Variants in CNTNAP4 observed in about 807,000 individuals in gnomAD.
CNTNAP4 encodes contactin-associated protein-like 4.
A neutral mutation model predicts 148.4 loss-of-function variants in CNTNAP4; 98 were observed. That is an observed-to-expected ratio of 0.66 (90% confidence interval 0.56 to 0.78). The LOEUF is 0.78. CNTNAP4 is among the 30% of genes least tolerant of loss of function. The probability of loss-of-function intolerance (pLI) is 0.00; values close to 1 mark genes in which losing one functional copy is unlikely to be tolerated. For synonymous variants in CNTNAP4, 730 were observed against 565.1 expected (o/e 1.29, Z -4.14); for missense variants, 1,935 against 1,565.6 (o/e 1.24, Z -3.98).
In CNTNAP4 at chr16:76,460,773, A is replaced by AAAAAAT; in HGVS notation, c.1334-1182_1334-1181insAAAATA. Among the ~76,000 whole-genome samples the AAAAAAT allele has an allele frequency of 2.4e-4, 14 of 57,322 alleles. 1 individual carries two copies. Among genetic ancestry groups the AAAAAAT allele is most frequent in the African/African-American group, 9.0e-4 (14 of 15,554 alleles). The allele number at this position is 57,322 out of a possible 152,430, so 37.6% of individuals were successfully genotyped here. On this transcript the variant is annotated intron_variant, in intron 8 of 23. Coordinates refer to ENST00000611870, the MANE Select transcript of CNTNAP4 (RefSeq NM_033401.5). ...TGTCTCAAAAAAAAAAAAAAAAAAAAATATATATATATATATATATATTTA... is the reference window on the plus strand; with the variant it reads ...TGTCTCAAAAAAAAAAAAAAAAAAAAAAAAATATATATATATATATATATATATTTA...
chr16:76,312,533 C>G (rs1000556337), intron 1 of CNTNAP4, among the ~76,000 whole-genome samples: 4 of 152,150 alleles, frequency 2.6e-5, no homozygotes, highest in African/African-American at 7.2e-5. Context: ...GTTTGAGGTT[C>G]TCTTCCTCTC....
chr16:76,470,085 C>A (rs983995849), intron 10 of CNTNAP4, among the ~76,000 whole-genome samples: 2 of 152,070 alleles, frequency 1.3e-5, no homozygotes, highest in Non-Finnish European at 2.9e-5. Flanking sequence ...CTCTTAGAAC[C>A]TGTTCTTCAT....
intron 1 of CNTNAP4, 38 bp downstream of exon 1, chr16:76,277,785 G>A (rs761902877): frequency 2.4e-6 from 3 of 1,270,060 alleles, no homozygotes; most frequent in Middle Eastern, 1.8e-4. Flanking sequence ...TTGCTGGGGG[G>A]CTCTCTGCAA....
intron 21 of CNTNAP4, among the ~76,000 whole-genome samples, chr16:76,547,395 G>GA (rs1234282179): frequency 6.6e-6 from 1 of 152,020 alleles, no homozygotes; most frequent in African/African-American, 2.4e-5. Context: ...AAAAATGACT[G>GA]AAAAAAATCA....
intron 3 of CNTNAP4, among the ~76,000 whole-genome samples, chr16:76,364,704 C>G (rs2013889124): frequency 6.6e-6 from 1 of 152,092 alleles, no homozygotes; most frequent in Admixed American, 6.6e-5. Context: ...TCCTTAGGAC[C>G]TAGACAAAAC....
chr16:76,340,225 AGGAAG>A (rs1415776386), intron 2 of CNTNAP4, among the ~76,000 whole-genome samples: 1 of 152,152 alleles, frequency 6.6e-6, no homozygotes, highest in Admixed American at 6.6e-5. Context: ...AAAGATCTCT[AGGAAG>A]GGAAGGCCAT....
At chr16:76,444,225 A>G (rs2080153990) in intron 4 of CNTNAP4, among the ~76,000 whole-genome samples, 1 of 152,164 alleles carries the variant, frequency 6.6e-6, no homozygotes, top group African/African-American at 2.4e-5. Flanking sequence ...TACCAGACAG[A>G]AGCAATTTGC....
intron 12 of CNTNAP4, 137 bp downstream of exon 12, chr16:76,479,675 C>T (rs940987827): frequency 1.2e-6 from 1 of 828,728 alleles, no homozygotes; most frequent in Non-Finnish European, 1.8e-6. Context: ...AAAAACTGAA[C>T]ATAAATCTTA....
chr16:76,517,155 A>G (rs1000271803), intron 15 of CNTNAP4, among the ~76,000 whole-genome samples: 6 of 152,208 alleles, frequency 3.9e-5, no homozygotes, highest in Admixed American at 1.3e-4. Context: ...TCTTGAAATG[A>G]CAAAATTATA....
chr16:76,493,868 G>A (rs1439516466), intron 13 of CNTNAP4, among the ~76,000 whole-genome samples: 1 of 152,096 alleles, frequency 6.6e-6, no homozygotes, highest in Non-Finnish European at 1.5e-5. Context: ...ATTAGCATGG[G>A]GCTATCTAAT....
At chr16:76,504,834 T>A (rs1356141011) in intron 15 of CNTNAP4, among the ~76,000 whole-genome samples, 1 of 152,078 alleles carries the variant, frequency 6.6e-6, no homozygotes, top group Non-Finnish European at 1.5e-5. Flanking sequence ...AAAATATGGA[T>A]TTAAATAAAC....
At position 76,355,524 on chromosome 16, in the gene CNTNAP4, A is replaced by G. The variant is rs2012482742; in HGVS notation, c.390+13A>G. On this transcript the variant is annotated intron_variant, in intron 3 of 23. Coordinates refer to ENST00000611870, the MANE Select transcript of CNTNAP4 (RefSeq NM_033401.5). Reference sequence around the variant, plus strand: ...GGACAGCATCTGGGTATGTTCTTTAACAAAAGACATAGTCTCTCGGGGAAA... The same window carrying G: ...GGACAGCATCTGGGTATGTTCTTTAGCAAAAGACATAGTCTCTCGGGGAAA... 4 of 1,574,076 alleles carry G rather than the reference A, an allele frequency of 2.5e-6. No homozygotes were observed. Among genetic ancestry groups the G allele is most frequent in the Non-Finnish European group, 3.4e-6 (4 of 1,159,470 alleles).
chr16:76,479,642 T>C, intron 12 of CNTNAP4, 104 bp downstream of exon 12: 1 of 1,134,002 alleles, frequency 8.8e-7, no homozygotes, highest in South Asian at 1.5e-5. Context: ...TGCAACTTGA[T>C]TAAAATATGT....
chr16:76,429,043 A>G (rs949447772), intron 4 of CNTNAP4, among the ~76,000 whole-genome samples: 6 of 152,180 alleles, frequency 3.9e-5, no homozygotes, highest in Admixed American at 1.3e-4. Flanking sequence ...CATTTCCTCT[A>G]GTTGTTGAAT....
intron 15 of CNTNAP4, 68 bp from the exon 16 acceptor site, chr16:76,521,072 C>T: frequency 7.3e-7 from 1 of 1,367,836 alleles, no homozygotes; most frequent in Non-Finnish European, 1.0e-6. Flanking sequence ...ATGTAATTGT[C>T]ATTCATTTTA....
Position 76,520,245 on chromosome 16 carries a change from C to CA in CNTNAP4, c.2366-894dup, listed in dbSNP as rs1597040042. Among the ~76,000 whole-genome samples the CA allele has an allele frequency of 2.6e-5, 4 of 152,168 alleles. No individual in the cohort carries two copies. In the East Asian group the frequency reaches 7.7e-4, roughly 29 times the overall value. On this transcript the variant is annotated intron_variant, in intron 15 of 23. Coordinates refer to ENST00000611870, the MANE Select transcript of CNTNAP4 (RefSeq NM_033401.5). Reference sequence around the variant, plus strand: ...GTATCCAGTCGGATTTCACTCCTGTCAGCTCATGCTGTTGCATTTATATTT... The same window carrying CA: ...GTATCCAGTCGGATTTCACTCCTGTCAAGCTCATGCTGTTGCATTTATATTT...
chr16:76,430,965 G>T (rs1031455222), intron 4 of CNTNAP4, among the ~76,000 whole-genome samples: 1 of 152,090 alleles, frequency 6.6e-6, no homozygotes, highest in South Asian at 2.1e-4. Flanking sequence ...TAGGTATGGG[G>T]TATAGGGAGA....
At chr16:76,406,934 G>C (rs989379879) in intron 3 of CNTNAP4, among the ~76,000 whole-genome samples, 1 of 152,050 alleles carries the variant, frequency 6.6e-6, no homozygotes, top group Non-Finnish European at 1.5e-5. Context: ...TAAGATCATA[G>C]GTAAAGGTGG....
chr16:76,491,916 G>A (rs569575362), intron 13 of CNTNAP4, among the ~76,000 whole-genome samples: 7 of 152,076 alleles, frequency 4.6e-5, no homozygotes, highest in African/African-American at 1.2e-4. Context: ...AGGTTTTTCC[G>A]TATCTTGGCT....
Sources: allele counts gnomAD v4.1 joint callset (sites outside exome capture counted in the v4.1 genomes callset), GRCh38; gene constraint gnomAD v4.1.1; transcripts MANE v1.5; gene names NCBI Gene and HGNC (gene_info 2026-07-23, HGNC 2026-07-21).